CSMD3: variants seen among roughly 807,000 people sequenced by gnomAD.
The protein encoded by CSMD3 is CUB and sushi domain-containing protein 3.
In CSMD3, 177 loss-of-function variants were observed where a neutral mutation model predicts 435.2. The observed-to-expected ratio is 0.41, with a 90% confidence interval of 0.36 to 0.46. CSMD3 has a LOEUF of 0.46. Among genes scored for constraint, CSMD3 ranks in the 20% least tolerant of loss-of-function variants. The pLI, the probability that CSMD3 is intolerant of heterozygous loss-of-function variation, is 0.34. For synonymous variants in CSMD3, 1,656 were observed against 1,520.5 expected (o/e 1.09, Z -2.07); for missense variants, 4,265 against 4,504.6 (o/e 0.95, Z 1.52).
intron 1 of CSMD3, among the ~76,000 whole-genome samples, chr8:113,319,570 C>T (rs989577154): frequency 1.3e-5 from 2 of 151,696 alleles, no homozygotes; most frequent in Non-Finnish European, 2.9e-5. Context: ...TAATGCTGTT[C>T]TGTTTATTTA....
At chr8:112,645,059 C>A (rs753425444) in intron 20 of CSMD3, 50 bp downstream of exon 20, 2 of 931,274 alleles carry the variant, frequency 2.1e-6, no homozygotes, top group South Asian at 2.6e-5. Flanking sequence ...AGAATAGACT[C>A]AATGAAAATT....
chr8:112,421,467 C>T (rs963998838), intron 32 of CSMD3, among the ~76,000 whole-genome samples: 17 of 151,138 alleles, frequency 1.1e-4, no homozygotes, highest in Non-Finnish European at 2.1e-4. Flanking sequence ...TTACTGGAAC[C>T]CGGGAGCCAC....
chr8:112,829,596 T>C, intron 12 of CSMD3, 90 bp downstream of exon 12: 1 of 757,254 alleles, frequency 1.3e-6, no homozygotes, highest in Admixed American at 1.9e-5. Context: ...CTGGTAGTAG[T>C]GGGAGCGATC....
intron 1 of CSMD3, among the ~76,000 whole-genome samples, chr8:113,315,659 A>G (rs1459119478): frequency 1.3e-5 from 2 of 148,276 alleles, no homozygotes; most frequent in Admixed American, 1.4e-4. Flanking sequence ...AAATATATAT[A>G]TCAAATGTAT....
Position 113,243,212 on chromosome 8 carries a change from C to T in CSMD3, c.514+35380G>A, listed in dbSNP as rs138025061. On this transcript the variant is annotated intron_variant, in intron 3 of 70. Transcript: ENST00000297405. ...CATTTGGTGTAAAATTATTTATCCA[C>T]ACATTCTTTCTTTAAAAAAGAATGT... Among the ~76,000 whole-genome samples the T allele has an allele frequency of 5.5e-4, 83 of 152,016 alleles. 1 individual carries two copies. The East Asian group carries it at 8.3e-3, about 15-fold the overall frequency.
At chr8:113,012,853 A>G (rs555242563) in intron 6 of CSMD3, among the ~76,000 whole-genome samples, 10 of 152,126 alleles carry the variant, frequency 6.6e-5, no homozygotes, top group African/African-American at 1.9e-4. Context: ...TTCTCTTTTC[A>G]TGTCACACTC....
intron 12 of CSMD3, among the ~76,000 whole-genome samples, chr8:112,816,728 T>C (rs1033646282): frequency 6.6e-6 from 1 of 152,028 alleles, no homozygotes; most frequent in Non-Finnish European, 1.5e-5. Context: ...AGAGCAATGA[T>C]AGTCATCTAT....
chr8:112,651,346 A>G (rs1411563238), intron 18 of CSMD3, among the ~76,000 whole-genome samples: 2 of 152,206 alleles, frequency 1.3e-5, no homozygotes, highest in African/African-American at 4.8e-5. Context: ...AAATGGTACA[A>G]AATAGAAGTT....
intron 69 of CSMD3, among the ~76,000 whole-genome samples, chr8:112,230,650 A>G (rs1390264775): frequency 3.3e-5 from 5 of 151,978 alleles, no homozygotes; most frequent in African/African-American, 1.2e-4. Flanking sequence ...CAGGCATGGT[A>G]GCTAATTCCA....
intron 9 of CSMD3, among the ~76,000 whole-genome samples, chr8:112,929,233 G>C (rs1317239466): frequency 8.4e-6 from 1 of 118,910 alleles, no homozygotes; most frequent in Non-Finnish European, 1.7e-5. Flanking sequence ...CCCATGGGGT[G>C]GGGGGAGGGG....
chr8:112,987,416 C>T (rs572623394), intron 6 of CSMD3, among the ~76,000 whole-genome samples: 153 of 151,970 alleles, frequency 1.0e-3, no homozygotes, highest in African/African-American at 3.5e-3. Flanking sequence ...AAATAGATAC[C>T]AAAAATATTT....
chr8:113,177,747 T>C (rs558784660), intron 3 of CSMD3, among the ~76,000 whole-genome samples: 1 of 152,076 alleles, frequency 6.6e-6, no homozygotes, highest in Admixed American at 6.6e-5. Flanking sequence ...TAACAAATTA[T>C]TTAGTCTAAT....
At chr8:112,408,286 T>C (rs1205602140) in intron 34 of CSMD3, 32 bp downstream of exon 34, 5 of 1,228,926 alleles carry the variant, frequency 4.1e-6, no homozygotes, top group Non-Finnish European at 6.0e-6. Context: ...ATATCATTCC[T>C]TAGTGTGTTT....
At chr8:112,305,907 A>T (rs1821373555) in intron 51 of CSMD3, 100 bp downstream of exon 51, 1 of 978,486 alleles carries the variant, frequency 1.0e-6, no homozygotes, top group Non-Finnish European at 1.7e-6. Context: ...ATCACATTTC[A>T]GTTTAGGGAT....
chr8:112,984,196 TTTA>T (rs1439926356), intron 6 of CSMD3, among the ~76,000 whole-genome samples: 2 of 151,862 alleles, frequency 1.3e-5, no homozygotes, highest in African/African-American at 4.8e-5. Flanking sequence ...TATTTGGATA[TTTA>T]TATTTGTCCA....
intron 4 of CSMD3, among the ~76,000 whole-genome samples, chr8:113,130,673 T>G (rs957207252): frequency 6.6e-6 from 1 of 152,038 alleles, no homozygotes; most frequent in Admixed American, 6.6e-5. Flanking sequence ...GCTATAAAGG[T>G]ACATGAAAAA....
chr8:112,451,853 T>A (rs2012465), intron 32 of CSMD3, among the ~76,000 whole-genome samples: 1 of 152,034 alleles, frequency 6.6e-6, no homozygotes. Flanking sequence ...GATTTTTAAA[T>A]GTAGATTTAA....
At chr8:112,899,631 A>G (rs1253630680) in intron 10 of CSMD3, among the ~76,000 whole-genome samples, 1 of 82,054 alleles carries the variant, frequency 1.2e-5, no homozygotes, top group Non-Finnish European at 2.7e-5. Context: ...ATATATATAT[A>G]TGTATATACA....
chr8:113,423,402 C>A (rs1051874439), intron 1 of CSMD3, among the ~76,000 whole-genome samples: 2 of 151,968 alleles, frequency 1.3e-5, no homozygotes, highest in Non-Finnish European at 1.5e-5. Flanking sequence ...GACTTGACAG[C>A]CTCTCCACTG....
Sources: gnomAD v4.1 joint callset for allele counts (sites outside exome capture counted in the v4.1 genomes callset) on GRCh38, gnomAD v4.1.1 for gene constraint, MANE v1.5 for transcripts, NCBI Gene and HGNC (gene_info 2026-07-23, HGNC 2026-07-21) for gene names.